GATA2: variants seen among roughly 807,000 people sequenced by gnomAD.
GATA2 encodes the protein endothelial transcription factor GATA-2.
In GATA2, 6 loss-of-function variants were observed where a neutral mutation model predicts 35.7. The ratio of observed to expected loss-of-function variants is 0.17; its 90% CI spans 0.09 to 0.33. The LOEUF is 0.33. Among genes scored for constraint, GATA2 ranks in the 10% least tolerant of loss-of-function variants. The pLI is 1.00. For missense variants in GATA2, 541 were observed against 656.6 expected (o/e 0.82, Z 1.92); for synonymous variants, 313 against 274.9 (o/e 1.14, Z -1.37).
rs2068619463 is a variant in GATA2 at position 128,481,032 on chromosome 3, G to A, written c.1430C>T (p.Thr477Ile). Residue 477 changes from threonine to isoleucine, a missense_variant, in exon 6 of 6, where the codon ACC becomes ATC. Coordinates refer to ENST00000341105, the MANE Select transcript of GATA2 (RefSeq NM_032638.5). Reference protein sequence around the residue: ...FGHPHPSSMVTAMG With the variant: ...FGHPHPSSMVIAMG ...TCCATCTGTTCCCTAGCCCATGGCG[G>A]TCACCATGCTGGACGGGTGGGGGTG... 2.5e-6 allele frequency: 4 copies of A among 1,578,822 alleles called. No homozygotes were observed. Among genetic ancestry groups the A allele is most frequent in the East Asian group, 2.2e-5 (1 of 44,504 alleles).
In GATA2 at chr3:128,486,870, C is replaced by A. The variant is rs758797691; in HGVS notation, c.162G>T (p.Ser54=). Residue 54 remains serine, a synonymous_variant, in exon 2 of 6, where the codon TCG becomes TCT. Transcript: ENST00000341105. ...EVDVFFNHLD[S]QGNPYYANPA... Reference sequence around the variant, plus strand: ...GGTTGGCATAGTAGGGGTTGCCCTGCGAGTCGAGGTGATTGAAGAAGACGT... The same window carrying A: ...GGTTGGCATAGTAGGGGTTGCCCTGAGAGTCGAGGTGATTGAAGAAGACGT... 3 of 1,612,520 alleles carry A rather than the reference C, an allele frequency of 1.9e-6. No homozygotes were observed. The Admixed American group carries it at 5.0e-5, about 27-fold the overall frequency.
At position 128,480,970 on chromosome 3, in the gene GATA2, T is replaced by C; in HGVS notation, c.*49A>G. 1 of 1,489,324 alleles carries C rather than the reference T, an allele frequency of 6.7e-7. No homozygotes were observed. Among genetic ancestry groups the C allele is most frequent in the Non-Finnish European group, 9.0e-7 (1 of 1,116,436 alleles). 92.3% of individuals were successfully genotyped at this position (1,489,324 alleles called of 1,614,324 possible). On this transcript the variant is annotated 3_prime_UTR_variant, in exon 6 of 6. Transcript: ENST00000341105. ...CGGGAAATGCTGGGCTGCTAAGGGT[T>C]TGGTCCACCCATCCCGGGAGTGCCC...
rs2068597661 is a variant in GATA2, at chr3:128,479,521, C to T, written c.*1498G>A. 1 of 233,210 alleles carries T rather than the reference C, an allele frequency of 4.3e-6. No individual in the cohort carries two copies. The highest frequency in any genetic ancestry group is 5.6e-5 in the Admixed American group (1 of 17,770). 14.4% of individuals were successfully genotyped at this position (233,210 alleles called of 1,614,324 possible). A position where few individuals can be genotyped will look rare whatever the true frequency, so the allele number is the denominator to read the frequency against. On this transcript the variant is annotated 3_prime_UTR_variant, in exon 6 of 6. Transcript: ENST00000341105. Reference sequence around the variant, plus strand: ...TTACAGACAATATATAAATGTTGTACATAATTAACAATAACTTAGTTCACT... The same window carrying T: ...TTACAGACAATATATAAATGTTGTATATAATTAACAATAACTTAGTTCACT...
In GATA2 at chr3:128,479,777, G is replaced by A. The variant is rs1286004041; in HGVS notation, c.*1242C>T. On this transcript the variant is annotated 3_prime_UTR_variant, in exon 6 of 6. Transcript: ENST00000341105. ...TCACCGCATACAGAATCTAAGCTCG[G>A]GACACGTTTATATACAGCTGTACCT... 4.3e-6 allele frequency: 1 copy of A among 233,622 alleles called. No homozygotes were observed. The highest frequency in any genetic ancestry group is 8.5e-6 in the Non-Finnish European group (1 of 118,054). 14.5% of individuals were successfully genotyped at this position (233,622 alleles called of 1,614,324 possible).
intron 3 of GATA2, 80 bp from the exon 4 acceptor site, chr3:128,484,085 C>G (rs2068664480): frequency 1.9e-6 from 3 of 1,553,836 alleles, no homozygotes; most frequent in Middle Eastern, 2.0e-4. Flanking sequence ...GGAAAGCAGC[C>G]AGCCGAGCAG....
rs547198927 is a variant in GATA2, at chr3:128,484,097, G to T, written c.872-92C>A. The T allele has an allele frequency of 4.0e-6, 6 of 1,510,838 alleles. No homozygotes were observed. In the African/African-American group the frequency reaches 6.8e-5, roughly 17 times the overall value. 93.6% of individuals were successfully genotyped at this position (1,510,838 alleles called of 1,614,324 possible). A position where few individuals can be genotyped will look rare whatever the true frequency, so the allele number is the denominator to read the frequency against. Reference sequence around the variant, plus strand: ...GCAGGAAAGCAGCCAGCCGAGCAGTGCCGGTGCCTCTCAGGCACACGGTTG... The same window carrying T: ...GCAGGAAAGCAGCCAGCCGAGCAGTTCCGGTGCCTCTCAGGCACACGGTTG... On this transcript the variant is annotated intron_variant, in intron 3 of 5. Coordinates refer to ENST00000341105, the MANE Select transcript of GATA2 (RefSeq NM_032638.5).
rs775407905 is a variant in GATA2, at chr3:128,486,831, C to T, written c.201G>A (p.Arg67=). ...GCGCGGGGCTGTAGGAGACGCGCGC[C>T]CGCGCGTGAGCGGGGTTGGCATAGT... ...NPYYANPAHA[R]ARVSYSPAHA... is the part of the protein sequence containing the mutation. Residue 67 remains arginine (R), a synonymous_variant, in exon 2 of 6, where the codon CGG becomes CGA. Coordinates refer to ENST00000341105, the MANE Select transcript of GATA2 (RefSeq NM_032638.5). The T allele has an allele frequency of 1.9e-6, 3 of 1,610,314 alleles. No individual in the cohort carries two copies. Among genetic ancestry groups the T allele is most frequent in the East Asian group, 4.5e-5 (2 of 44,718 alleles).
intron 1 of GATA2, chr3:128,489,448 A>G (rs969526002): frequency 6.6e-6 from 1 of 152,380 alleles, no homozygotes; most frequent in Non-Finnish European, 1.5e-5. Context: ...GCAGAGCTCC[A>G]TTGGGCTGGG....
At chr3:128,482,406 G>A (rs1320978859) in intron 4 of GATA2, among the ~76,000 whole-genome samples, 5 of 152,178 alleles carry the variant, frequency 3.3e-5, no homozygotes, top group Non-Finnish European at 7.3e-5. Flanking sequence ...GTGTCGCTGA[G>A]GCCAGCGCAG....
chr3:128,492,435 C>A (rs1207000623), intron 1 of GATA2, among the ~76,000 whole-genome samples: 3 of 152,214 alleles, frequency 2.0e-5, no homozygotes, highest in African/African-American at 7.2e-5. Context: ...TAAAGGGCTG[C>A]GGGGCGCAGC....
chr3:128,481,900 C>G lies in GATA2; in HGVS notation c.1062G>C (p.Thr354=), dbSNP rs759487569. The G allele has an allele frequency of 3.1e-6, 5 of 1,614,042 alleles. No individual in the cohort carries two copies. Among genetic ancestry groups the G allele is most frequent in the Non-Finnish European group, 4.2e-6 (5 of 1,180,030 alleles). Reference sequence around the variant, plus strand: ...TTCGGCGCCATAAGGTGGTGGTTGTCGTCTGACAATTTGCACAACAGGTGC... The same window carrying G: ...TTCGGCGCCATAAGGTGGTGGTTGTGGTCTGACAATTTGCACAACAGGTGC... ...RAGTCCANCQ[T]TTTTLWRRNA... The change falls in exon 5 of 6, where the codon ACG becomes ACC. Residue 354 remains threonine (T), a synonymous_variant. Transcript: ENST00000341105.
At position 128,483,840 on chromosome 3, in the gene GATA2, C is replaced by A. The variant is rs758953146; in HGVS notation, c.1017+20G>T. Reference sequence around the variant, plus strand: ...CTCCTGCCCAGCAGCCCCCTCCCAGCCACCTGTGCCCGCTCCTACCAGTCT... The same window carrying A: ...CTCCTGCCCAGCAGCCCCCTCCCAGACACCTGTGCCCGCTCCTACCAGTCT... On this transcript the variant is annotated intron_variant, in intron 4 of 5. Transcript: ENST00000341105. The A allele has an allele frequency of 9.3e-6, 15 of 1,614,142 alleles. No individual in the cohort carries two copies. In the Admixed American group the frequency reaches 1.3e-4, roughly 14 times the overall value.
At chr3:128,491,988 GCCGCAC>G (rs1322006576) in intron 1 of GATA2, 1 of 152,244 alleles carries the variant, frequency 6.6e-6, no homozygotes, top group Non-Finnish European at 1.5e-5. Flanking sequence ...CGCCTCGGCT[GCCGCAC>G]GGGCCCTACC....
At chr3:128,489,661 G>A (rs1169569785) in intron 1 of GATA2, 1 of 152,180 alleles carries the variant, frequency 6.6e-6, no homozygotes, top group Non-Finnish European at 1.5e-5. Context: ...TCCGCGGCCA[G>A]GCCGGGCAGG....
At chr3:128,483,742 T>C (rs957637209) in intron 4 of GATA2, 118 bp downstream of exon 4, 5 of 1,369,208 alleles carry the variant, frequency 3.7e-6, no homozygotes, top group African/African-American at 1.4e-5. Context: ...GTGCTTTTCA[T>C]GATAAAAGAG....
intron 5 of GATA2, 63 bp downstream of exon 5, chr3:128,481,756 T>C (rs1002673215): frequency 1.1e-5 from 18 of 1,567,524 alleles, no homozygotes; most frequent in Middle Eastern, 2.0e-4. Context: ...GCCTCTTGCC[T>C]GGCAGCACAA....
At chr3:128,486,667 A>T in intron 2 of GATA2, 136 bp downstream of exon 2, 1 of 942,856 alleles carries the variant, frequency 1.1e-6, no homozygotes, top group Non-Finnish European at 1.6e-6. Context: ...CGCTGCTCCC[A>T]CCTCTCCCGC....
intron 3 of GATA2, 88 bp from the exon 4 acceptor site, chr3:128,484,093 C>T: frequency 6.5e-7 from 1 of 1,529,280 alleles, no homozygotes; most frequent in Non-Finnish European, 8.8e-7. Context: ...GCCAGCCGAG[C>T]AGTGCCGGTG....
At chr3:128,482,802 G>C (rs12488520) in intron 4 of GATA2, among the ~76,000 whole-genome samples, 4,344 of 152,348 alleles carry the variant, frequency 0.029, 72 homozygotes, top group East Asian at 0.078. Context: ...CAAGAAAACA[G>C]ATCCCCTCTC....
Sources: gnomAD v4.1 joint callset for allele counts (sites outside exome capture counted in the v4.1 genomes callset) on GRCh38, gnomAD v4.1.1 for gene constraint, MANE v1.5 for transcripts, NCBI Gene and HGNC (gene_info 2026-07-23, HGNC 2026-07-21) for gene names.